ATXN1: variants seen among roughly 807,000 people sequenced by gnomAD.
ATXN1 encodes ataxin-1.
ATXN1 carries 8 observed loss-of-function variants against 56.4 expected under a neutral mutation model. That is an observed-to-expected ratio of 0.14 (90% CI 0.08 to 0.26). The LOEUF (loss-of-function observed/expected upper bound fraction) is 0.26. Among genes scored for constraint, ATXN1 ranks in the 10% least tolerant of loss-of-function variants. The pLI, the probability that ATXN1 is intolerant of heterozygous loss-of-function variation, is 1.00. For synonymous variants in ATXN1, 514 were observed against 494.6 expected, an observed-to-expected ratio of 1.04 and a Z score of -0.52; for missense variants, 987 against 1,106.5, an observed-to-expected ratio of 0.89 and a Z score of 1.53.
At chr6:16,336,575 C>G (rs1761127743) in intron 6 of ATXN1, among the ~76,000 whole-genome samples, 1 of 152,216 alleles carries the variant, frequency 6.6e-6, no homozygotes, top group Non-Finnish European at 1.5e-5. Flanking sequence ...GAAGGAGCCT[C>G]TGGCACAGGT....
chr6:16,521,756 G>A (rs1332787216), intron 5 of ATXN1, among the ~76,000 whole-genome samples: 2 of 152,172 alleles, frequency 1.3e-5, no homozygotes, highest in African/African-American at 2.4e-5. Context: ...CAAAGCAGAT[G>A]TACCACCAAG....
At chr6:16,601,378 G>A (rs1301615381) in intron 3 of ATXN1, among the ~76,000 whole-genome samples, 1 of 152,174 alleles carries the variant, frequency 6.6e-6, no homozygotes, top group East Asian at 1.9e-4. Context: ...ACTGGGGCTA[G>A]AATGTATTAT....
rs539255541 is a variant in ATXN1 at position 16,452,710 on chromosome 6, A to G, written c.-161+33262T>C. 2.6e-5 allele frequency among the ~76,000 whole-genome samples: 4 copies of G among 152,364 alleles called. No homozygotes were observed. The South Asian group carries it at 8.3e-4, about 32-fold the overall frequency. ...AGTATCGACATAAACCTGCCTCTTCATATCCCTCTTGTTCTTATAGTACAT... is the reference window on the plus strand; with the variant it reads ...AGTATCGACATAAACCTGCCTCTTCGTATCCCTCTTGTTCTTATAGTACAT... On this transcript the variant is annotated intron_variant, in intron 6 of 7. Coordinates refer to ENST00000436367, the MANE Select transcript of ATXN1 (RefSeq NM_001128164.2).
intron 6 of ATXN1, among the ~76,000 whole-genome samples, chr6:16,444,195 C>T (rs1278769158): frequency 6.6e-6 from 1 of 152,012 alleles, no homozygotes; most frequent in Non-Finnish European, 1.5e-5. Flanking sequence ...CTGGCTGTGT[C>T]CACTGGAAAG....
chr6:16,365,690 G>C (rs1206763093), intron 6 of ATXN1, among the ~76,000 whole-genome samples: 1 of 152,126 alleles, frequency 6.6e-6, no homozygotes, highest in South Asian at 2.1e-4. Flanking sequence ...ACAGTCAAAG[G>C]GTGCATTCAG....
chr6:16,743,991 G>A (rs1428509370), intron 2 of ATXN1, among the ~76,000 whole-genome samples: 1 of 152,224 alleles, frequency 6.6e-6, no homozygotes, highest in Non-Finnish European at 1.5e-5. Flanking sequence ...AGAACCCAGG[G>A]AGGGAGTTAA....
At chr6:16,674,404 T>C (rs564972380) in intron 2 of ATXN1, among the ~76,000 whole-genome samples, 12 of 140,158 alleles carry the variant, frequency 8.6e-5, no homozygotes, top group African/African-American at 3.0e-4. Flanking sequence ...TGCAGTGGTG[T>C]GATCTCGGCT....
chr6:16,307,466 C>A (rs553137805), intron 7 of ATXN1, among the ~76,000 whole-genome samples: 10 of 151,448 alleles, frequency 6.6e-5, no homozygotes, highest in South Asian at 2.1e-4. Flanking sequence ...GTCAGGAGTT[C>A]AAGACCAGCC....
chr6:16,761,197 C>T (rs1761088169), intron 1 of ATXN1, 101 bp downstream of exon 1: 1 of 378,032 alleles, frequency 2.6e-6, no homozygotes, highest in African/African-American at 2.1e-5. Flanking sequence ...TTTTGCCCCT[C>T]TCGGGAGATC....
chr6:16,396,450 A>G (rs1758461456), intron 6 of ATXN1, among the ~76,000 whole-genome samples: 1 of 152,190 alleles, frequency 6.6e-6, no homozygotes, highest in African/African-American at 2.4e-5. Context: ...ATATAAAGAA[A>G]GAAAATATTC....
At chr6:16,632,387 T>C (rs966273202) in intron 3 of ATXN1, among the ~76,000 whole-genome samples, 1 of 152,230 alleles carries the variant, frequency 6.6e-6, no homozygotes, top group Non-Finnish European at 1.5e-5. Flanking sequence ...ACACATGAGC[T>C]AAATGCTAGG....
chr6:16,605,432 C>G (rs1762986508), intron 3 of ATXN1, among the ~76,000 whole-genome samples: 1 of 152,146 alleles, frequency 6.6e-6, no homozygotes, highest in African/African-American at 2.4e-5. Flanking sequence ...ACAGGGCTGC[C>G]CATGAGCCCT....
intron 6 of ATXN1, among the ~76,000 whole-genome samples, chr6:16,455,136 C>T (rs1057401446): frequency 6.6e-6 from 1 of 152,160 alleles, no homozygotes; most frequent in African/African-American, 2.4e-5. Context: ...AGCATCTCTA[C>T]AAGTAACACC....
intron 6 of ATXN1, among the ~76,000 whole-genome samples, chr6:16,429,790 G>A (rs2237199): frequency 0.14 from 20,896 of 152,040 alleles, 1,732 homozygotes; most frequent in East Asian, 0.4. Flanking sequence ...CATAAAAACC[G>A]CAGCAGGTAT....
intron 6 of ATXN1, among the ~76,000 whole-genome samples, chr6:16,417,969 G>A (rs1443875071): frequency 6.6e-6 from 1 of 152,144 alleles, no homozygotes; most frequent in Non-Finnish European, 1.5e-5. Flanking sequence ...GAACCTCAGA[G>A]CTCTTGAGGT....
At position 16,624,752 on chromosome 6, in the gene ATXN1, G is replaced by A. The variant is rs928369010; in HGVS notation, c.-489+33024C>T. On this transcript the variant is annotated intron_variant, in intron 3 of 7. Coordinates refer to ENST00000436367, the MANE Select transcript of ATXN1 (RefSeq NM_001128164.2). The stretch of plus-strand genomic sequence containing the variant: ...GCTCACATTGCAACCTTGACACAAC[G>A]ACTCTGCAAAAACAAGGGCTTAAAT... Among the ~76,000 whole-genome samples, 4 of 152,090 alleles carry A rather than the reference G, an allele frequency of 2.6e-5. No individual in the cohort carries two copies. The East Asian group carries it at 5.8e-4, about 22-fold the overall frequency.
rs185067516 is a variant in ATXN1 at position 16,398,473 on chromosome 6, G to C, written c.-160-70003C>G. 4.6e-5 allele frequency among the ~76,000 whole-genome samples: 7 copies of C among 152,244 alleles called. No homozygotes were observed. In the East Asian group the frequency reaches 1.3e-3, roughly 29 times the overall value. On this transcript the variant is annotated intron_variant, in intron 6 of 7. Transcript: ENST00000436367. ...AATAATATATATGTATATGTGTATA[G>C]AGTTTATTTTACACACACACACATT... is the stretch of plus-strand genomic sequence containing the variant.
chr6:16,525,307 T>C (rs1391028165), intron 4 of ATXN1, among the ~76,000 whole-genome samples: 1 of 152,158 alleles, frequency 6.6e-6, no homozygotes, highest in Non-Finnish European at 1.5e-5. Context: ...AAAGAAAGTA[T>C]AGTATATACA....
rs564817450 is a variant in ATXN1 at position 16,713,234 on chromosome 6, G to A, written c.-615+39999C>T. Among the ~76,000 whole-genome samples, 24 of 152,320 alleles carry A rather than the reference G, an allele frequency of 1.6e-4. No homozygotes were observed. The East Asian group carries it at 4.6e-3, about 29-fold the overall frequency. ...TCTGAATCTAGAGGGACCGCTCCAT[G>A]AATAAGTTTCAATACAATTGCGGTA... On this transcript the variant is annotated intron_variant, in intron 2 of 7. Coordinates refer to ENST00000436367, the MANE Select transcript of ATXN1 (RefSeq NM_001128164.2).
Sources: allele counts gnomAD v4.1 joint callset (sites outside exome capture counted in the v4.1 genomes callset), GRCh38; gene constraint gnomAD v4.1.1; transcripts MANE v1.5; gene names NCBI Gene and HGNC (gene_info 2026-07-23, HGNC 2026-07-21).